The following AQP7B variants were observed in gnomAD, a reference collection of about 807,000 sequenced individuals.
AQP7B encodes aquaporin 7B.
the AQP7B span, among the ~76,000 whole-genome samples, chr2:94,598,252 C>G: frequency 2.6e-5 from 4 of 152,182 alleles, no homozygotes; most frequent in African/African-American, 9.6e-5. Flanking sequence ...CAGTGAGTCA[C>G]CAGGGTGAAG....
At chr2:94,591,076 G>T in the AQP7B span, among the ~76,000 whole-genome samples, 1 of 151,874 alleles carries the variant, frequency 6.6e-6, no homozygotes, top group African/African-American at 2.4e-5. Context: ...TGCTTTGTAG[G>T]CTGGCTTTCT....
the AQP7B span, among the ~76,000 whole-genome samples, chr2:94,587,948 A>T: frequency 6.6e-6 from 1 of 151,898 alleles, no homozygotes; most frequent in African/African-American, 2.4e-5. Flanking sequence ...GGGTGAGGGG[A>T]CTTCGGGCTA....
chr2:94,602,795 G>C, the AQP7B span, among the ~76,000 whole-genome samples: 5 of 152,112 alleles, frequency 3.3e-5, no homozygotes, highest in African/African-American at 1.2e-4. Context: ...TTCTTTCTGG[G>C]CCCCCCTGAC....
chr2:94,604,357 C>T, the AQP7B span: 1 of 1,611,416 alleles, frequency 6.2e-7, no homozygotes, highest in Non-Finnish European at 8.5e-7. Context: ...GTGGCATCAT[C>T]TACCTGGTCT....
At chr2:94,603,267 T>C in the AQP7B span, 15 of 1,392,080 alleles carry the variant, frequency 1.1e-5, no homozygotes, top group Non-Finnish European at 1.5e-5. Flanking sequence ...TTGTAAAAAA[T>C]AGCTGGGAGA....
chr2:94,598,478 C>A, the AQP7B span, among the ~76,000 whole-genome samples: 2 of 152,132 alleles, frequency 1.3e-5, no homozygotes, highest in African/African-American at 4.8e-5. Context: ...ACACGTGAGA[C>A]ACGGGGCAAG....
the AQP7B span, among the ~76,000 whole-genome samples, chr2:94,588,125 G>A: frequency 2.6e-5 from 4 of 151,950 alleles, no homozygotes; most frequent in South Asian, 2.1e-4. Context: ...CTGGACAGTC[G>A]CAGCTTAAGT....
chr2:94,593,469 C>A, the AQP7B span, among the ~76,000 whole-genome samples: 2 of 149,080 alleles, frequency 1.3e-5, no homozygotes, highest in East Asian at 4.0e-4. Flanking sequence ...ATCTGTATCC[C>A]TCCTCTTCCT....
At chr2:94,602,644 G>T in the AQP7B span, 4 of 1,563,684 alleles carry the variant, frequency 2.6e-6, no homozygotes, top group Non-Finnish European at 2.6e-6. Context: ...TACCAGACTG[G>T]GCAAGACCAG....
At chr2:94,604,318 G>A in the AQP7B span, 1 of 1,609,148 alleles carries the variant, frequency 6.2e-7, no homozygotes, top group Non-Finnish European at 8.5e-7. Flanking sequence ...GGGTGCCAGT[G>A]GTGGCACCAC....
the AQP7B span, chr2:94,594,798 A>T: frequency 1.3e-6 from 2 of 1,573,772 alleles, no homozygotes; most frequent in South Asian, 2.2e-5. Flanking sequence ...AGATCCAGGA[A>T]ATATGGTGCG....
the AQP7B span, among the ~76,000 whole-genome samples, chr2:94,598,449 G>A: frequency 4.6e-5 from 7 of 152,138 alleles, no homozygotes; most frequent in Admixed American, 4.6e-4. Flanking sequence ...AGCCATCCGG[G>A]CCCTGGAAAA....
At chr2:94,604,225 G>A in the AQP7B span, 20 of 1,475,908 alleles carry the variant, frequency 1.4e-5, no homozygotes, top group East Asian at 4.3e-4. Flanking sequence ...CTTCGCCCAA[G>A]GTGGATGAGG....
chr2:94,588,979 T>C, the AQP7B span, among the ~76,000 whole-genome samples: 1 of 150,566 alleles, frequency 6.6e-6, no homozygotes, highest in Non-Finnish European at 1.5e-5. Context: ...TTCTGTTTTT[T>C]TTTCTTTTTT....
the AQP7B span, among the ~76,000 whole-genome samples, chr2:94,596,109 C>A: frequency 6.6e-6 from 1 of 152,214 alleles, no homozygotes; most frequent in Non-Finnish European, 1.5e-5. Flanking sequence ...CAGGAAGAAG[C>A]CGTCAGCGGC....
chr2:94,594,935 C>G, the AQP7B span: 1 of 947,390 alleles, frequency 1.1e-6, no homozygotes, highest in Admixed American at 1.9e-5. Context: ...GACCCCCTCC[C>G]CATGCTGACC....
the AQP7B span, among the ~76,000 whole-genome samples, chr2:94,594,065 C>T: frequency 5.3e-5 from 8 of 152,188 alleles, no homozygotes; most frequent in Admixed American, 3.3e-4. Flanking sequence ...ACTGAAGATA[C>T]ACCAGGAAGT....
chr2:94,590,866 C>T, the AQP7B span, among the ~76,000 whole-genome samples: 8 of 149,216 alleles, frequency 5.4e-5, no homozygotes, highest in South Asian at 1.7e-3. Flanking sequence ...ATCACTTGAA[C>T]CCTGGGAAGT....
the AQP7B span, chr2:94,604,560 T>G: frequency 1.2e-6 from 2 of 1,600,292 alleles, no homozygotes; most frequent in African/African-American, 2.7e-5. Flanking sequence ...TCCATGGCCC[T>G]AGAGCACTTC....
Sources: allele counts gnomAD v4.1 joint callset (sites outside exome capture counted in the v4.1 genomes callset), GRCh38; gene constraint gnomAD v4.1.1; transcripts MANE v1.5; gene names NCBI Gene and HGNC (gene_info 2026-07-23, HGNC 2026-07-21).